CLASP2: variants seen among roughly 807,000 people sequenced by gnomAD.
The protein encoded by CLASP2 is cytoplasmic linker associated protein 2, also known as CLIP-associating protein 2.
Under a neutral mutation model 194.4 loss-of-function variants are expected in CLASP2, and 47 were observed. The ratio of observed to expected loss-of-function variants is 0.24; its 90% CI spans 0.19 to 0.31. The LOEUF (loss-of-function observed/expected upper bound fraction) is 0.31, where lower values mean the gene tolerates loss of function less well. Ranked by LOEUF, CLASP2 falls within the 10% of genes least tolerant of loss-of-function variation. The pLI, the probability that CLASP2 is intolerant of heterozygous loss-of-function variation, is 1.00. For missense variants in CLASP2, 1,445 were observed against 1,823.6 expected (o/e 0.79, Z 3.78); for synonymous variants, 619 against 633.5 (o/e 0.98, Z 0.34).
At chr3:33,699,872 CAAAA>C (rs34347002) in intron 1 of CLASP2, among the ~76,000 whole-genome samples, 2 of 93,928 alleles carry the variant, frequency 2.1e-5, no homozygotes, top group Admixed American at 1.1e-4. Flanking sequence ...ATTGTACTAC[CAAAA>C]AAAAAAAAAA....
chr3:33,706,213 A>C (rs1311321522), intron 1 of CLASP2, among the ~76,000 whole-genome samples: 1 of 152,170 alleles, frequency 6.6e-6, no homozygotes, highest in Non-Finnish European at 1.5e-5. Flanking sequence ...GTGCCACCGC[A>C]CTCTAACCTG....
At chr3:33,691,234 T>G (rs2091318017) in intron 2 of CLASP2, among the ~76,000 whole-genome samples, 1 of 152,102 alleles carries the variant, frequency 6.6e-6, no homozygotes, top group African/African-American at 2.4e-5. Context: ...TTTCTTTCTC[T>G]GAATCAACGG....
At chr3:33,570,340 A>C (rs1193549375) in intron 26 of CLASP2, among the ~76,000 whole-genome samples, 1 of 152,204 alleles carries the variant, frequency 6.6e-6, no homozygotes, top group Admixed American at 6.5e-5. Flanking sequence ...TTATTTCAAA[A>C]TTGAAACATA....
chr3:33,520,466 A>G (rs2052684757), intron 34 of CLASP2, among the ~76,000 whole-genome samples: 1 of 152,248 alleles, frequency 6.6e-6, no homozygotes, highest in African/African-American at 2.4e-5. Context: ...ATCAGCTTTC[A>G]GCCCAGACAG....
intron 34 of CLASP2, among the ~76,000 whole-genome samples, chr3:33,517,695 T>C (rs1046030329): frequency 6.6e-6 from 1 of 152,176 alleles, no homozygotes; most frequent in African/African-American, 2.4e-5. Flanking sequence ...AGGGTTTCAC[T>C]TTGTCGCCAA....
At chr3:33,705,614 C>A (rs2092639965) in intron 1 of CLASP2, among the ~76,000 whole-genome samples, 1 of 152,128 alleles carries the variant, frequency 6.6e-6, no homozygotes, top group Non-Finnish European at 1.5e-5. Flanking sequence ...ATGAGCCAAG[C>A]AGTATCTCAA....
chr3:33,515,310 AG>A (rs2050996809), intron 36 of CLASP2, among the ~76,000 whole-genome samples: 1 of 152,152 alleles, frequency 6.6e-6, no homozygotes, highest in Non-Finnish European at 1.5e-5. Context: ...GAAGAAGGGG[AG>A]AGAGATATCA....
intron 37 of CLASP2, among the ~76,000 whole-genome samples, chr3:33,509,309 C>T (rs959186819): frequency 2.6e-5 from 4 of 152,182 alleles, no homozygotes; most frequent in Non-Finnish European, 4.4e-5. Context: ...CTCCACCTCT[C>T]GGGTTCAAGC....
At position 33,602,776 on chromosome 3, in the gene CLASP2, G is replaced by A. The variant is rs560191757; in HGVS notation, c.1924+176C>T. 648 of 715,966 alleles carry A rather than the reference G, an allele frequency of 9.1e-4. 10 individuals carry two copies. In the South Asian group the frequency reaches 9.7e-3, roughly 11 times the overall value. 44.4% of individuals were successfully genotyped at this position (715,966 alleles called of 1,614,324 possible). ...GACGATGATGAGAACAAGGGAAAAG[G>A]AGAAACAAGGCAGCTCAGATTCCTC... On this transcript the variant is annotated intron_variant, in intron 18 of 38. Coordinates refer to ENST00000682230, the MANE Select transcript of CLASP2 (RefSeq NM_001365631.1).
intron 29 of CLASP2, among the ~76,000 whole-genome samples, chr3:33,553,300 GA>G (rs748079654): frequency 7.9e-5 from 12 of 152,018 alleles, no homozygotes; most frequent in Non-Finnish European, 7.4e-5. Context: ...TGAATTTTAA[GA>G]AGTATTTATA....
At chr3:33,680,836 GAAT>G (rs1023571152) in intron 6 of CLASP2, among the ~76,000 whole-genome samples, 3 of 151,520 alleles carry the variant, frequency 2.0e-5, no homozygotes, top group African/African-American at 7.3e-5. Context: ...ATCTATTTAA[GAAT>G]AATAAAGCTA....
At chr3:33,680,952 C>T (rs1250055058) in intron 6 of CLASP2, among the ~76,000 whole-genome samples, 1 of 151,892 alleles carries the variant, frequency 6.6e-6, no homozygotes, top group South Asian at 2.1e-4. Flanking sequence ...TGGCGAAACC[C>T]CGTCTCTACT....
intron 1 of CLASP2, among the ~76,000 whole-genome samples, chr3:33,708,488 ATG>A (rs1559702451): frequency 1.1e-3 from 6 of 5,476 alleles, no homozygotes; most frequent in Non-Finnish European, 6.2e-3. Context: ...GTGTGTGTGT[ATG>A]TATATATATA....
At chr3:33,658,075 C>G (rs1006280955) in intron 7 of CLASP2, among the ~76,000 whole-genome samples, 1 of 151,490 alleles carries the variant, frequency 6.6e-6, no homozygotes, top group African/African-American at 2.4e-5. Flanking sequence ...CTCTAGGCCT[C>G]GTAACAAAAA....
intron 16 of CLASP2, 112 bp from the exon 17 acceptor site, chr3:33,604,321 T>C (rs906218776): frequency 5.5e-5 from 9 of 162,934 alleles, no homozygotes; most frequent in Admixed American, 3.6e-4. Flanking sequence ...TTCTTTTTTC[T>C]TTTTTTTTTT....
chr3:33,677,321 T>C (rs1266317606), intron 6 of CLASP2, among the ~76,000 whole-genome samples: 1 of 150,604 alleles, frequency 6.6e-6, no homozygotes, highest in Non-Finnish European at 1.5e-5. Context: ...CCAACAATGA[T>C]AGACTGGATT....
intron 21 of CLASP2, among the ~76,000 whole-genome samples, chr3:33,591,454 A>G (rs115837784): frequency 1.3e-5 from 2 of 151,778 alleles, no homozygotes; most frequent in Non-Finnish European, 2.9e-5. Flanking sequence ...CTCTTAAAAC[A>G]AACAAAAAAT....
chr3:33,510,143 C>A (rs532072553), intron 37 of CLASP2, among the ~76,000 whole-genome samples: 1 of 152,046 alleles, frequency 6.6e-6, no homozygotes, highest in African/African-American at 2.4e-5. Flanking sequence ...CTTAAAAGGA[C>A]AAATATTGTA....
chr3:33,594,735 C>T (rs1483627536), intron 20 of CLASP2, among the ~76,000 whole-genome samples: 1 of 147,726 alleles, frequency 6.8e-6, no homozygotes, highest in Non-Finnish European at 1.5e-5. Flanking sequence ...ATGAGATGAT[C>T]CAAAGTACAA....
Sources: allele counts gnomAD v4.1 joint callset (sites outside exome capture counted in the v4.1 genomes callset), GRCh38; gene constraint gnomAD v4.1.1; transcripts MANE v1.5; gene names NCBI Gene and HGNC (gene_info 2026-07-23, HGNC 2026-07-21).